ADGRG7: variants seen among roughly 807,000 people sequenced by gnomAD.
ADGRG7 encodes adhesion G protein-coupled receptor G7.
In ADGRG7, 82 loss-of-function variants were observed where a neutral mutation model predicts 88.6. That is an observed-to-expected ratio of 0.93 (90% CI 0.77 to 1.11). ADGRG7 has a LOEUF of 1.11. ADGRG7 is among the 50% of genes most tolerant of loss of function. The pLI is 0.00. For synonymous variants in ADGRG7, 381 were observed against 345.2 expected, an observed-to-expected ratio of 1.10 and a Z score of -1.15; for missense variants, 945 against 953.4, an observed-to-expected ratio of 0.99 and a Z score of 0.12.
At chr3:100,616,073 C>T (rs1707221357) in intron 1 of ADGRG7, among the ~76,000 whole-genome samples, 1 of 152,182 alleles carries the variant, frequency 6.6e-6, no homozygotes, top group Non-Finnish European at 1.5e-5. Context: ...CCTACCTATA[C>T]AGTATTGAAA....
intron 12 of ADGRG7, among the ~76,000 whole-genome samples, chr3:100,655,476 T>A (rs2094936474): frequency 6.6e-6 from 1 of 152,190 alleles, no homozygotes; most frequent in Non-Finnish European, 1.5e-5. Context: ...CACAAATAAT[T>A]AACTTCCAGC....
chr3:100,631,996 T>C (rs1707465217), intron 3 of ADGRG7, among the ~76,000 whole-genome samples: 1 of 152,200 alleles, frequency 6.6e-6, no homozygotes, highest in African/African-American at 2.4e-5. Flanking sequence ...GCTTCTACCA[T>C]GTTGACACTA....
chr3:100,623,613 G>A (rs773145204), intron 1 of ADGRG7, among the ~76,000 whole-genome samples: 19 of 152,056 alleles, frequency 1.2e-4, no homozygotes, highest in African/African-American at 2.9e-4. Context: ...ATACGTGTGC[G>A]CTGGTGGTTT....
At chr3:100,663,830 T>C (rs1234520144) in intron 14 of ADGRG7, among the ~76,000 whole-genome samples, 1 of 152,064 alleles carries the variant, frequency 6.6e-6, no homozygotes, top group African/African-American at 2.4e-5. Flanking sequence ...TTTATAAGTA[T>C]GCCAAATAAC....
intron 11 of ADGRG7, chr3:100,654,537 G>A (rs1021561601): frequency 3.1e-5 from 8 of 255,628 alleles, no homozygotes; most frequent in African/African-American, 1.8e-4. Flanking sequence ...CTACCAGGAA[G>A]TAGGGTTCAC....
In ADGRG7 at chr3:100,643,296, G is replaced by C. The variant is rs754068092; in HGVS notation, c.729G>C (p.Leu243Phe). ...TLIEQMETYS[L>F]SLGNQSVVEP... ...TTGAGCAAATGGAGACTTATTCCTT[G>C]TCTTTGGGTAATCAATCAGTGGTGG... Residue 243 changes from leucine to phenylalanine, a missense_variant, in exon 7 of 16, where the codon TTG (leucine) becomes TTC (phenylalanine). By Grantham distance (22) the Leu-to-Phe change is conservative. Coordinates refer to ENST00000273352, the MANE Select transcript of ADGRG7 (RefSeq NM_032787.3). 48 of 1,613,710 alleles carry C rather than the reference G, an allele frequency of 3.0e-5. No individual in the cohort carries two copies. Among genetic ancestry groups the C allele is most frequent in the Non-Finnish European group, 3.8e-5 (45 of 1,179,874 alleles).
intron 11 of ADGRG7, among the ~76,000 whole-genome samples, chr3:100,651,224 TG>T (rs2094929030): frequency 6.6e-6 from 1 of 152,146 alleles, no homozygotes; most frequent in Non-Finnish European, 1.5e-5. Context: ...TATACACTGT[TG>T]GGGGGAAAAG....
chr3:100,684,717 AAATT>A (rs1166304902), intron 15 of ADGRG7, among the ~76,000 whole-genome samples: 2 of 152,184 alleles, frequency 1.3e-5, no homozygotes, highest in African/African-American at 4.8e-5. Context: ...TGTGTTATAT[AAATT>A]ATGTTTTTTA....
intron 6 of ADGRG7, among the ~76,000 whole-genome samples, chr3:100,638,953 A>T (rs966971070): frequency 3.3e-5 from 5 of 151,882 alleles, no homozygotes; most frequent in Non-Finnish European, 7.4e-5. Context: ...AATTTAAAAA[A>T]TTATCTTACC....
intron 1 of ADGRG7, among the ~76,000 whole-genome samples, chr3:100,617,454 G>C (rs1273168514): frequency 6.7e-6 from 1 of 148,310 alleles, no homozygotes; most frequent in African/African-American, 2.5e-5. Context: ...CCACCTATGA[G>C]TGAGAACATG....
At chr3:100,617,498 C>A (rs888585674) in intron 1 of ADGRG7, among the ~76,000 whole-genome samples, 6 of 151,774 alleles carry the variant, frequency 4.0e-5, no homozygotes, top group Admixed American at 3.9e-4. Flanking sequence ...CGATAGTTTG[C>A]TGAGTATGAT....
intron 1 of ADGRG7, among the ~76,000 whole-genome samples, chr3:100,613,170 G>A (rs192327755): frequency 1.3e-5 from 2 of 152,316 alleles, no homozygotes; most frequent in Non-Finnish European, 2.9e-5. Context: ...GATTACAGGC[G>A]TGAGCCACCG....
intron 15 of ADGRG7, among the ~76,000 whole-genome samples, chr3:100,671,323 T>G (rs2094958173): frequency 6.6e-6 from 1 of 152,222 alleles, no homozygotes; most frequent in African/African-American, 2.4e-5. Flanking sequence ...TTTTTTTAAA[T>G]ATGTTTGTTG....
chr3:100,648,016 T>A (rs2149026898), intron 10 of ADGRG7, among the ~76,000 whole-genome samples: 1 of 152,210 alleles, frequency 6.6e-6, no homozygotes, highest in East Asian at 1.9e-4. Context: ...ATTTGGATTA[T>A]TTCTTTTCTA....
At chr3:100,640,705 A>G (rs904541056) in intron 6 of ADGRG7, among the ~76,000 whole-genome samples, 1 of 152,102 alleles carries the variant, frequency 6.6e-6, no homozygotes, top group Non-Finnish European at 1.5e-5. Context: ...TATTTTTGGT[A>G]GAGACAGGGT....
intron 6 of ADGRG7, among the ~76,000 whole-genome samples, chr3:100,640,976 TC>T (rs1411368044): frequency 6.6e-6 from 1 of 152,216 alleles, no homozygotes; most frequent in Non-Finnish European, 1.5e-5. Context: ...ATTTCGCTTT[TC>T]TTTTTTTATT....
chr3:100,649,838 A>G (rs1247651078), intron 11 of ADGRG7, 31 bp downstream of exon 11: 2 of 1,266,932 alleles, frequency 1.6e-6, no homozygotes, highest in South Asian at 2.5e-5. Flanking sequence ...TTTTCAGAAG[A>G]GAAATTGCTA....
chr3:100,689,141 TTGTC>T (rs1343195114), intron 15 of ADGRG7, among the ~76,000 whole-genome samples: 1 of 152,218 alleles, frequency 6.6e-6, no homozygotes, highest in African/African-American at 2.4e-5. Flanking sequence ...ATGGCCTTCT[TTGTC>T]TGTTTTGATC....
chr3:100,669,442 G>T (rs1174802583), intron 15 of ADGRG7, among the ~76,000 whole-genome samples: 1 of 149,908 alleles, frequency 6.7e-6, no homozygotes, highest in Non-Finnish European at 1.5e-5. Context: ...GCTGAGGCAC[G>T]AGAATGGCTT....
Sources: gnomAD v4.1 joint callset for allele counts (sites outside exome capture counted in the v4.1 genomes callset) on GRCh38, gnomAD v4.1.1 for gene constraint, MANE v1.5 for transcripts, NCBI Gene and HGNC (gene_info 2026-07-23, HGNC 2026-07-21) for gene names.